TCF4: variants seen among roughly 807,000 people sequenced by gnomAD.
TCF4 encodes the protein transcription factor 4, also known as SL3-3 enhancer factor 2.
Under a neutral mutation model 82.1 loss-of-function variants are expected in TCF4, and 3 were observed. The ratio of observed to expected loss-of-function variants is 0.04; its 90% CI spans 0.02 to 0.09. The LOEUF is 0.09. TCF4 is among the 10% of genes least tolerant of loss of function. TCF4 has a pLI of 1.00. For synonymous variants in TCF4, 276 were observed against 309.6 expected, an observed-to-expected ratio of 0.89 and a Z score of 1.14; for missense variants, 518 against 852.7, an observed-to-expected ratio of 0.61 and a Z score of 4.89.
In TCF4 at chr18:55,612,177, A is replaced by T. The variant is rs2097707682; in HGVS notation, c.286+19121T>A. On this transcript the variant is annotated intron_variant, in intron 2 of 20. Transcript: ENST00000398339. ...CCACATTTCTACTGCTCAGTAGCAC[A>T]GATGGCTAGAGCCTACTGCATTGGA... is the stretch of plus-strand genomic sequence containing the variant. 2.6e-5 allele frequency among the ~76,000 whole-genome samples: 4 copies of T among 152,336 alleles called. No individual in the cohort carries two copies. The South Asian group carries it at 8.3e-4, about 32-fold the overall frequency.
At chr18:55,597,341 A>T (rs185163251) in intron 2 of TCF4, among the ~76,000 whole-genome samples, 1 of 152,258 alleles carries the variant, frequency 6.6e-6, no homozygotes, top group Non-Finnish European at 1.5e-5. Context: ...TTTGCATTCT[A>T]TTTCTTCTCA....
intron 5 of TCF4, among the ~76,000 whole-genome samples, chr18:55,411,512 T>C (rs192633079): frequency 4.6e-5 from 7 of 152,246 alleles, no homozygotes; most frequent in Admixed American, 3.9e-4. Context: ...GCTAAAGGTG[T>C]CAAAAGCACG....
intron 3 of TCF4, among the ~76,000 whole-genome samples, chr18:55,488,748 C>G (rs186231301): frequency 3.6e-4 from 55 of 152,274 alleles, no homozygotes; most frequent in African/African-American, 1.2e-3. Flanking sequence ...TTAGGTATGC[C>G]TCAGGAACCT....
chr18:55,318,727 CT>C lies in TCF4; in HGVS notation c.549+31631del, dbSNP rs1304933667. 3.9e-5 allele frequency among the ~76,000 whole-genome samples: 6 copies of C among 152,126 alleles called. No individual in the cohort carries two copies. In the East Asian group the frequency reaches 1.2e-3, roughly 29 times the overall value. ...TTTGTGGGATATGGACATGGAAACA[CT>C]TCATAACTTAAGGTAGTAAAAAAAT... On this transcript the variant is annotated intron_variant, in intron 8 of 19. Coordinates refer to ENST00000354452, the MANE Select transcript of TCF4 (RefSeq NM_001083962.2).
In TCF4 at chr18:55,224,536, T is replaced by TTC. The variant is rs903334234; in HGVS notation, c.*3497_*3498dup. The stretch of plus-strand genomic sequence containing the variant: ...AGTTCACTTTTGGACACAGATCATA[T>TTC]TCTGCCTGTTGGATGCAAAAGATGA... On this transcript the variant is annotated 3_prime_UTR_variant, in exon 20 of 20. Coordinates refer to ENST00000354452, the MANE Select transcript of TCF4 (RefSeq NM_001083962.2). The TTC allele has an allele frequency of 2.0e-5, 3 of 152,592 alleles. No individual in the cohort carries two copies. The highest frequency in any genetic ancestry group is 2.9e-5 in the Non-Finnish European group (2 of 68,022). The allele number at this position is 152,592 out of a possible 1,614,324, so 9.5% of individuals were successfully genotyped here. A position where few individuals can be genotyped will look rare whatever the true frequency, so the allele number is the denominator to read the frequency against.
chr18:55,302,053 T>C (rs1382078383), intron 8 of TCF4, among the ~76,000 whole-genome samples: 5 of 152,156 alleles, frequency 3.3e-5, no homozygotes, highest in African/African-American at 1.2e-4. Context: ...AGAGGGAAAA[T>C]TAATAAGGCC....
rs187986489 is a variant in TCF4 at position 55,467,270 on chromosome 18, T to C, written c.146-3133A>G. 2.0e-4 allele frequency among the ~76,000 whole-genome samples: 30 copies of C among 152,284 alleles called. No homozygotes were observed. In the East Asian group the frequency reaches 5.2e-3, roughly 26 times the overall value. On this transcript the variant is annotated intron_variant, in intron 3 of 19. Transcript: ENST00000354452. ...TACTTTGAAGTCATTTTCTTCCATC[T>C]TCCCTCTCCTTGAACTTTGTCAGGC...
chr18:55,521,720 G>GC (rs2096935001), intron 3 of TCF4, among the ~76,000 whole-genome samples: 1 of 152,276 alleles, frequency 6.6e-6, no homozygotes, highest in East Asian at 1.9e-4. Context: ...CTTATCAGAT[G>GC]CAATTAGGTT....
chr18:55,574,605 C>T (rs1211544234), intron 3 of TCF4, among the ~76,000 whole-genome samples: 1 of 152,176 alleles, frequency 6.6e-6, no homozygotes, highest in Non-Finnish European at 1.5e-5. Flanking sequence ...TCCCAAAGTG[C>T]CGGGATTATA....
chr18:55,568,796 T>C (rs535582472), intron 3 of TCF4, among the ~76,000 whole-genome samples: 3 of 152,250 alleles, frequency 2.0e-5, no homozygotes, highest in Non-Finnish European at 4.4e-5. Context: ...GAAAAAAATA[T>C]TATATGCCAA....
chr18:55,245,293 T>C (rs1404540826), intron 15 of TCF4, among the ~76,000 whole-genome samples: 2 of 152,180 alleles, frequency 1.3e-5, no homozygotes, highest in East Asian at 1.9e-4. Flanking sequence ...ACAACGGCCA[T>C]GGAATGTGAA....
chr18:55,272,260 C>T (rs1009028463), intron 10 of TCF4, among the ~76,000 whole-genome samples: 4 of 152,034 alleles, frequency 2.6e-5, no homozygotes, highest in Admixed American at 1.3e-4. Context: ...AATAAACTAA[C>T]GAGATTTATA....
intron 5 of TCF4, among the ~76,000 whole-genome samples, chr18:55,427,831 T>C (rs1435050218): frequency 1.3e-5 from 2 of 152,226 alleles, no homozygotes; most frequent in African/African-American, 4.8e-5. Flanking sequence ...AATGAATAAA[T>C]GAACAGACCA....
chr18:55,252,927 C>T (rs2055684980), intron 15 of TCF4, among the ~76,000 whole-genome samples: 1 of 152,186 alleles, frequency 6.6e-6, no homozygotes, highest in African/African-American at 2.4e-5. Flanking sequence ...GTATTTAACA[C>T]ATTACCTGAG....
intron 15 of TCF4, among the ~76,000 whole-genome samples, chr18:55,236,089 G>C (rs113252028): frequency 6.7e-6 from 1 of 149,406 alleles, no homozygotes; most frequent in Non-Finnish European, 1.5e-5. Context: ...GTGTGTGTGT[G>C]TGTGTATGCA....
intron 5 of TCF4, among the ~76,000 whole-genome samples, chr18:55,446,217 A>T (rs2095522180): frequency 1.3e-5 from 2 of 152,218 alleles, no homozygotes; most frequent in African/African-American, 4.8e-5. Context: ...GAGAGGAAAA[A>T]GCTGAAGAAT....
upstream of TCF4, chr18:55,588,264 G>C: frequency 7.0e-7 from 1 of 1,431,370 alleles, no homozygotes; most frequent in Non-Finnish European, 9.1e-7. Flanking sequence ...ACGGAGGGAA[G>C]GGGGGAGGGG....
chr18:55,343,473 A>C (rs2080469499), intron 8 of TCF4, among the ~76,000 whole-genome samples: 1 of 152,180 alleles, frequency 6.6e-6, no homozygotes, highest in Admixed American at 6.6e-5. Flanking sequence ...CAGACAAGAG[A>C]CAAGAGTGGG....
intron 8 of TCF4, among the ~76,000 whole-genome samples, chr18:55,341,756 T>G (rs988993078): frequency 1.3e-5 from 2 of 152,064 alleles, no homozygotes; most frequent in African/African-American, 4.8e-5. Flanking sequence ...CTCGTAAAGG[T>G]GGTGACAAGT....
Sources: allele counts gnomAD v4.1 joint callset (sites outside exome capture counted in the v4.1 genomes callset), GRCh38; gene constraint gnomAD v4.1.1; transcripts MANE v1.5; gene names NCBI Gene and HGNC (gene_info 2026-07-23, HGNC 2026-07-21).